RGS12: variants seen among roughly 807,000 people sequenced by gnomAD.
The protein encoded by RGS12 is regulator of G protein signaling 12.
RGS12 carries 66 observed loss-of-function variants against 120.1 expected under a neutral mutation model. The ratio of observed to expected loss-of-function variants is 0.55; its 90% CI spans 0.45 to 0.67. RGS12 has a LOEUF of 0.67. RGS12 is among the 30% of genes least tolerant of loss of function. The pLI is 0.00. For missense variants in RGS12, 1,859 were observed against 1,957.7 expected, an observed-to-expected ratio of 0.95 and a Z score of 0.95; for synonymous variants, 827 against 804.7, an observed-to-expected ratio of 1.03 and a Z score of -0.47.
intron 2 of RGS12, among the ~76,000 whole-genome samples, chr4:3,333,270 C>T (rs976318701): frequency 3.9e-5 from 6 of 152,122 alleles, no homozygotes; most frequent in South Asian, 2.1e-4. Flanking sequence ...AGGATGGTCT[C>T]GATCTCCTGA....
chr4:3,355,377 G>A (rs899969535), intron 3 of RGS12, among the ~76,000 whole-genome samples: 10 of 152,138 alleles, frequency 6.6e-5, no homozygotes, highest in South Asian at 2.1e-4. Flanking sequence ...AATCGTTACC[G>A]GAAGTCCTGG....
At chr4:3,339,199 GC>G (rs1039276133) in intron 2 of RGS12, among the ~76,000 whole-genome samples, 12 of 152,242 alleles carry the variant, frequency 7.9e-5, no homozygotes, top group African/African-American at 2.9e-4. Context: ...CGTGGTCAGG[GC>G]TGCCAGGTGT....
chr4:3,334,442 A>C (rs1712218673), intron 2 of RGS12, among the ~76,000 whole-genome samples: 1 of 152,156 alleles, frequency 6.6e-6, no homozygotes, highest in African/African-American at 2.4e-5. Flanking sequence ...TTTTTGTATA[A>C]TTTTAAAGTC....
Position 3,439,437 on chromosome 4 carries a change from C to G in RGS12, c.4115-18C>G. ...GGCCGGGCCAGGCAAGTGACAGCTTCTCTTCTCCTTGTGACAGGAAGTGGG... is the reference window on the plus strand; with the variant it reads ...GGCCGGGCCAGGCAAGTGACAGCTTGTCTTCTCCTTGTGACAGGAAGTGGG... On this transcript the variant is annotated intron_variant, in intron 17 of 17. Transcript: ENST00000336727. 1 of 1,612,516 alleles carries G rather than the reference C, an allele frequency of 6.2e-7. No individual in the cohort carries two copies. Among genetic ancestry groups the G allele is most frequent in the Non-Finnish European group, 8.5e-7 (1 of 1,179,678 alleles).
At chr4:3,288,293 G>C (rs1437901910), upstream of RGS12, among the ~76,000 whole-genome samples, 1 of 152,134 alleles carries the variant, frequency 6.6e-6, no homozygotes, top group African/African-American at 2.4e-5. This position sits in a 1 kb window ranked among gnomAD's most constrained non-coding sequence, Gnocchi z 5.2. Flanking sequence ...CCTGACAGGA[G>C]GGGGGCAGCT....
intron 3 of RGS12, among the ~76,000 whole-genome samples, chr4:3,371,230 G>T (rs547722345): frequency 3.3e-4 from 51 of 152,332 alleles, no homozygotes; most frequent in Non-Finnish European, 5.9e-4. Context: ...AGGTGAAGCT[G>T]CGTGAGGCTC....
chr4:3,311,839 C>G (rs192997168), intron 1 of RGS12, among the ~76,000 whole-genome samples: 9 of 152,356 alleles, frequency 5.9e-5, no homozygotes, highest in Non-Finnish European at 1.2e-4. Context: ...CTAAGGGACA[C>G]TCAGCCTGTG....
intron 8 of RGS12, 104 bp from the exon 9 acceptor site, chr4:3,417,284 C>T (rs1020711425): frequency 5.9e-6 from 8 of 1,351,054 alleles, no homozygotes; most frequent in Non-Finnish European, 8.0e-6. Flanking sequence ...TGATACCATC[C>T]CATAGAGTGC....
At chr4:3,313,506 T>TAA (rs1724541779) in intron 1 of RGS12, among the ~76,000 whole-genome samples, 1 of 152,202 alleles carries the variant, frequency 6.6e-6, no homozygotes. Flanking sequence ...CTTGTATTTG[T>TAA]TTCCTGGGGT....
intron 2 of RGS12, among the ~76,000 whole-genome samples, chr4:3,320,600 A>G (rs1297731101): frequency 6.6e-6 from 1 of 152,166 alleles, no homozygotes; most frequent in Admixed American, 6.5e-5. Context: ...ATGTGGCGTG[A>G]TACACTATCT....
chr4:3,323,121 C>T (rs960163384), intron 2 of RGS12, among the ~76,000 whole-genome samples: 2 of 152,140 alleles, frequency 1.3e-5, no homozygotes, highest in Non-Finnish European at 2.9e-5. Flanking sequence ...TCCAGGGTGG[C>T]GCGTGCCCCT....
rs888039980 is a variant in RGS12, at chr4:3,389,404, G to A, written c.2020+2967G>A. Among the ~76,000 whole-genome samples, 2 of 152,182 alleles carry A rather than the reference G, an allele frequency of 1.3e-5. No individual in the cohort carries two copies. Among genetic ancestry groups the A allele is most frequent in the African/African-American group, 4.8e-5 (2 of 41,446 alleles). On this transcript the variant is annotated intron_variant, in intron 4 of 17. Transcript: ENST00000336727. This position sits in a 1 kb window ranked among gnomAD's most constrained non-coding sequence, Gnocchi z 5.2. ...AGGGGAATGGTCTGCCTTGTGGGAAGTTATTCAGACAGAAGTGTGAGGTCG... is the reference window on the plus strand; with the variant it reads ...AGGGGAATGGTCTGCCTTGTGGGAAATTATTCAGACAGAAGTGTGAGGTCG...
chr4:3,417,157 G>A lies in RGS12; in HGVS notation c.2607+65G>A, dbSNP rs925307574. ...TGTGTCATCAGCTGAGAGCTGTTCT[G>A]TGGGGAGTGAAAAGAGGCCCTGTCG... is the stretch of plus-strand genomic sequence containing the variant. On this transcript the variant is annotated intron_variant, in intron 8 of 17. Coordinates refer to ENST00000336727, the MANE Select transcript of RGS12 (RefSeq NM_001394154.1). The A allele has an allele frequency of 1.3e-5, 19 of 1,477,414 alleles. No homozygotes were observed. In the African/African-American group the frequency reaches 2.0e-4, roughly 15 times the overall value. The allele number at this position is 1,477,414 out of a possible 1,614,324, so 91.5% of individuals were successfully genotyped here. A position where few individuals can be genotyped will look rare whatever the true frequency, so the allele number is the denominator to read the frequency against.
chr4:3,384,373 C>T (rs1229316238), intron 3 of RGS12, among the ~76,000 whole-genome samples: 1 of 152,126 alleles, frequency 6.6e-6, no homozygotes, highest in Non-Finnish European at 1.5e-5. Context: ...AGGCTGGTCT[C>T]GAACTCCTGA....
rs115708064 is a variant in RGS12 at position 3,311,311 on chromosome 4, C to A, written c.-101-4759C>A. Among the ~76,000 whole-genome samples, 131 of 152,290 alleles carry A rather than the reference C, an allele frequency of 8.6e-4. 2 individuals carry two copies. The highest frequency in any genetic ancestry group is 3.4e-3 in the Middle Eastern group (1 of 294). On this transcript the variant is annotated intron_variant, in intron 1 of 17. Transcript: ENST00000336727. ...GGCCTAGGACCCATCTCTGTACCTG[C>A]AGGTCTTGGGTGCTGCCCGGCATGA...
chr4:3,422,614 C>G lies in RGS12; in HGVS notation c.3033+44C>G, dbSNP rs1346354872. On this transcript the variant is annotated intron_variant, in intron 11 of 17. Coordinates refer to ENST00000336727, the MANE Select transcript of RGS12 (RefSeq NM_001394154.1). ...CCTCGTGCTGCCCTCAGGCCATGACCTCCCCGCTCCCTGGCCCCCAGCTTT... is the reference window on the plus strand; with the variant it reads ...CCTCGTGCTGCCCTCAGGCCATGACGTCCCCGCTCCCTGGCCCCCAGCTTT... 3.2e-6 allele frequency: 5 copies of G among 1,567,728 alleles called. No homozygotes were observed. In the African/African-American group the frequency reaches 5.4e-5, roughly 17 times the overall value.
chr4:3,301,993 T>A (rs1364401296), intron 1 of RGS12, among the ~76,000 whole-genome samples: 2 of 23,164 alleles, frequency 8.6e-5, no homozygotes, highest in Admixed American at 5.0e-4. Context: ...GTATCCTGTA[T>A]TTTTTTTTTT....
chr4:3,424,677 G>A (rs374319218), intron 13 of RGS12, among the ~76,000 whole-genome samples: 3 of 152,236 alleles, frequency 2.0e-5, no homozygotes, highest in South Asian at 4.1e-4. Flanking sequence ...CTCGGCTGCC[G>A]AGGCTGTGGG....
chr4:3,400,959 C>CACT (rs1322254714), intron 4 of RGS12, among the ~76,000 whole-genome samples: 1 of 151,664 alleles, frequency 6.6e-6, no homozygotes, highest in Non-Finnish European at 1.5e-5. Context: ...TTCTGGCCAG[C>CACT]ACTACATGGC....
Sources: gnomAD v4.1 joint callset for allele counts (sites outside exome capture counted in the v4.1 genomes callset) on GRCh38, gnomAD v4.1.1 for gene constraint, Gnocchi (gnomAD v3.1) non-coding constraint, MANE v1.5 for transcripts, NCBI Gene and HGNC (gene_info 2026-07-23, HGNC 2026-07-21) for gene names.